FAM185A: variants seen among roughly 807,000 people sequenced by gnomAD.
FAM185A encodes protein FAM185A.
Under a neutral mutation model 45.7 loss-of-function variants are expected in FAM185A, and 21 were observed. The ratio of observed to expected loss-of-function variants is 0.46; its 90% CI spans 0.33 to 0.66. FAM185A has a LOEUF of 0.66. FAM185A is among the 30% of genes least tolerant of loss of function. The pLI, the probability that FAM185A is intolerant of heterozygous loss-of-function variation, is 0.03. For synonymous variants in FAM185A, 117 were observed against 194.0 expected (o/e 0.60, Z 3.30); for missense variants, 305 against 485.4 (o/e 0.63, Z 3.49).
At chr7:102,831,471 T>C in the FAM185A span, among the ~76,000 whole-genome samples, 1 of 151,430 alleles carries the variant, frequency 6.6e-6, no homozygotes, top group Non-Finnish European at 1.5e-5. Context: ...ATATGAATAG[T>C]GTCAGGGATG....
At chr7:102,833,141 T>A in the FAM185A span, among the ~76,000 whole-genome samples, 1 of 152,230 alleles carries the variant, frequency 6.6e-6, no homozygotes, top group African/African-American at 2.4e-5. Flanking sequence ...AACATCTGTT[T>A]ATAGCAAAAG....
At chr7:102,842,900 C>G in the FAM185A span, among the ~76,000 whole-genome samples, 1 of 152,184 alleles carries the variant, frequency 6.6e-6, no homozygotes, top group East Asian at 1.9e-4. Flanking sequence ...CTGGGTCAGA[C>G]CAAAAGTCAA....
chr7:102,836,136 G>A, the FAM185A span, among the ~76,000 whole-genome samples: 3 of 152,136 alleles, frequency 2.0e-5, no homozygotes, highest in African/African-American at 7.2e-5. Context: ...TCTGCCTTAT[G>A]CCTTTTTAAA....
chr7:102,766,339 G>A (rs1794395603), intron 4 of FAM185A, among the ~76,000 whole-genome samples: 1 of 152,232 alleles, frequency 6.6e-6, no homozygotes, highest in Non-Finnish European at 1.5e-5. Flanking sequence ...AAATTGCTGA[G>A]TATTAGTTCT....
At chr7:102,758,378 A>G (rs1395012850) in intron 3 of FAM185A, among the ~76,000 whole-genome samples, 3 of 140,450 alleles carry the variant, frequency 2.1e-5, no homozygotes, top group African/African-American at 7.9e-5. Flanking sequence ...AGCTTTCTTC[A>G]GTATTTTCCA....
the FAM185A span, among the ~76,000 whole-genome samples, chr7:102,815,541 GAC>G: frequency 6.6e-6 from 1 of 152,036 alleles, no homozygotes; most frequent in African/African-American, 2.4e-5. Context: ...CAGAGTTCTG[GAC>G]ACACACTGCA....
chr7:102,785,538 C>T (rs2129441092), intron 6 of FAM185A, among the ~76,000 whole-genome samples: 1 of 152,058 alleles, frequency 6.6e-6, no homozygotes, highest in African/African-American at 2.4e-5. Flanking sequence ...TATCTACAAC[C>T]ATCTGATCTT....
At chr7:102,800,866 A>G (rs950583237) in intron 7 of FAM185A, among the ~76,000 whole-genome samples, 11 of 152,238 alleles carry the variant, frequency 7.2e-5, no homozygotes, top group Non-Finnish European at 1.5e-5. Flanking sequence ...AGACATCCAA[A>G]TACAAGAAGC....
At chr7:102,831,301 C>T in the FAM185A span, among the ~76,000 whole-genome samples, 1 of 151,800 alleles carries the variant, frequency 6.6e-6, no homozygotes, top group Non-Finnish European at 1.5e-5. Flanking sequence ...CACCAGAGAA[C>T]ATGTGGTAAG....
At chr7:102,833,110 T>A in the FAM185A span, 4 of 888,394 alleles carry the variant, frequency 4.5e-6, no homozygotes, top group African/African-American at 1.7e-5. Context: ...AAAAATAATT[T>A]AAAAAACCCA....
intron 7 of FAM185A, among the ~76,000 whole-genome samples, chr7:102,792,800 T>C (rs1260146212): frequency 3.3e-5 from 5 of 151,158 alleles, no homozygotes; most frequent in Admixed American, 6.6e-5. Flanking sequence ...AAAGAGTTCT[T>C]AGCTTGTCTA....
chr7:102,789,889 G>C (rs1024394047), intron 7 of FAM185A, among the ~76,000 whole-genome samples: 1 of 152,058 alleles, frequency 6.6e-6, no homozygotes. Flanking sequence ...TAAAAACGAA[G>C]ACACAAACAC....
chr7:102,837,322 C>A, the FAM185A span, among the ~76,000 whole-genome samples: 1 of 152,292 alleles, frequency 6.6e-6, no homozygotes, highest in African/African-American at 2.4e-5. Flanking sequence ...TTAGCAAAGG[C>A]CCAGCCTCAG....
the FAM185A span, among the ~76,000 whole-genome samples, chr7:102,836,173 G>A: frequency 4.4e-4 from 67 of 152,188 alleles, no homozygotes; most frequent in Non-Finnish European, 7.6e-4. Flanking sequence ...AAAGACAAAT[G>A]TTCTCAGAGG....
chr7:102,824,131 G>A, the FAM185A span, among the ~76,000 whole-genome samples: 4 of 152,312 alleles, frequency 2.6e-5, no homozygotes, highest in Admixed American at 2.6e-4. Flanking sequence ...ATGTGATGTT[G>A]TTGGGATTTA....
chr7:102,813,930 C>T (rs1443282525), downstream of FAM185A, among the ~76,000 whole-genome samples: 5 of 152,034 alleles, frequency 3.3e-5, no homozygotes, highest in South Asian at 2.1e-4. Context: ...AGCTCTTAAC[C>T]CAGAGTTCAC....
intron 2 of FAM185A, among the ~76,000 whole-genome samples, chr7:102,753,593 T>C (rs1428121051): frequency 2.0e-5 from 3 of 151,882 alleles, no homozygotes; most frequent in Admixed American, 2.0e-4. Context: ...TTGCCAAATA[T>C]CTTCTAGAGA....
At chr7:102,767,027 C>T (rs999969328) in intron 4 of FAM185A, among the ~76,000 whole-genome samples, 5 of 152,166 alleles carry the variant, frequency 3.3e-5, no homozygotes, top group African/African-American at 4.8e-5. Flanking sequence ...AACTCCTGAC[C>T]TCAGGTGATC....
chr7:102,807,850 G>A (rs1171076642), intron 7 of FAM185A, among the ~76,000 whole-genome samples: 1 of 152,128 alleles, frequency 6.6e-6, no homozygotes, highest in Non-Finnish European at 1.5e-5. Flanking sequence ...CCTGAGGTGT[G>A]GCATTCAAAA....
Sources: gnomAD v4.1 joint callset for allele counts (sites outside exome capture counted in the v4.1 genomes callset) on GRCh38, gnomAD v4.1.1 for gene constraint, MANE v1.5 for transcripts, NCBI Gene and HGNC (gene_info 2026-07-23, HGNC 2026-07-21) for gene names.